Variants in EPRS1 observed in about 807,000 individuals in gnomAD.
EPRS1 encodes the protein bifunctional glutamate/proline--tRNA ligase.
A neutral mutation model predicts 188.3 loss-of-function variants in EPRS1; 107 were observed. The observed-to-expected ratio is 0.57, with a 90% CI of 0.49 to 0.67. EPRS1 has a LOEUF of 0.67. EPRS1 is among the 30% of genes least tolerant of loss of function. The pLI, the probability that EPRS1 is intolerant of heterozygous loss-of-function variation, is 0.00. For synonymous variants in EPRS1, 596 were observed against 593.1 expected, an observed-to-expected ratio of 1.00 and a Z score of -0.07; for missense variants, 1,577 against 1,802.2, an observed-to-expected ratio of 0.88 and a Z score of 2.26.
intron 10 of EPRS1, among the ~76,000 whole-genome samples, chr1:220,019,785 A>T (rs1002672338): frequency 6.6e-6 from 1 of 152,210 alleles, no homozygotes; most frequent in African/African-American, 2.4e-5. Flanking sequence ...CATGATCCCC[A>T]GTGGGCACTC....
rs779863965 is a variant in EPRS1, at chr1:220,019,053, C to A, written c.1376G>T (p.Arg459Leu). ...TGTCATCCCTCTTCTCAGTACACCA[C>A]GAACCGTAGGAAATCTTGGGTCATC... Reference protein sequence around the residue: ...GWDDPRFPTVRGVLRRGMTVE... With the variant: ...GWDDPRFPTVLGVLRRGMTVE... Residue 459 changes from arginine (R) to leucine (L), a missense_variant, in exon 11 of 32, where the codon CGT becomes CTT. Physicochemically the swap from Arg to Leu is moderately radical, Grantham distance 102. Around this residue, in one of 3 missense-constraint regions of EPRS1, gnomAD observed 1,278 missense variants for 1,457.4 expected, o/e 0.88. Transcript: ENST00000366923. 1 of 1,613,024 alleles carries A rather than the reference C, an allele frequency of 6.2e-7. No individual in the cohort carries two copies. Among genetic ancestry groups the A allele is most frequent in the Non-Finnish European group, 8.5e-7 (1 of 1,179,190 alleles).
Position 220,025,818 on chromosome 1 carries a change from G to A in EPRS1, c.624-560C>T, listed in dbSNP as rs112757922. On this transcript the variant is annotated intron_variant, in intron 6 of 31. Coordinates refer to ENST00000366923, the MANE Select transcript of EPRS1 (RefSeq NM_004446.3). ...AAGTTTTTTTTTTTTTTTTTGAGAC[G>A]GAATCTCGCTCTGTCGCCCAGGCTG... Among the ~76,000 whole-genome samples, 1,345 of 148,338 alleles carry A rather than the reference G, an allele frequency of 9.1e-3. 19 individuals are homozygous for A. The highest frequency in any genetic ancestry group is 0.032 in the African/African-American group (1,273 of 39,968).
chr1:219,980,645 A>G (rs1049932633), intron 25 of EPRS1, 111 bp downstream of exon 25: 8 of 647,228 alleles, frequency 1.2e-5, no homozygotes, highest in African/African-American at 3.7e-5. Context: ...GAACATTTGA[A>G]TTAATTTGAT....
chr1:219,980,306 C>A, intron 25 of EPRS1, 66 bp from the exon 26 acceptor site: 1 of 1,249,478 alleles, frequency 8.0e-7, no homozygotes. Flanking sequence ...ATCTATAAAA[C>A]TGCACTACTT....
Position 220,019,007 on chromosome 1 carries a change from A to C in EPRS1, c.1422T>G (p.Phe474Leu). 1 of 1,611,372 alleles carries C rather than the reference A, an allele frequency of 6.2e-7. No homozygotes were observed. Among genetic ancestry groups the C allele is most frequent in the Middle Eastern group, 1.7e-4 (1 of 6,052 alleles). ...AACTGTAACGCACCTGAGCAGCAAT[A>C]AACTGTTTCAGTCCTTCAACTGTCA... ...RGMTVEGLKQFIAAQGSSRSV... is the reference protein window; with the variant it reads ...RGMTVEGLKQLIAAQGSSRSV... Residue 474 changes from phenylalanine (F) to leucine (L), a missense_variant, in exon 11 of 32, where the codon TTT (phenylalanine) becomes TTG (leucine). Physicochemically the swap from Phe to Leu is conservative, Grantham distance 22. This residue lies in a region of EPRS1 where 1,278 missense variants were observed against 1,457.4 expected (regional missense o/e 0.88). Transcript: ENST00000366923.
chr1:219,973,180 G>T, intron 29 of EPRS1, 58 bp downstream of exon 29: 1 of 1,468,550 alleles, frequency 6.8e-7, no homozygotes, highest in South Asian at 1.3e-5. Flanking sequence ...CCTTGGTAAA[G>T]ATCTCAAAGG....
At chr1:219,984,123 T>C in intron 21 of EPRS1, 83 bp downstream of exon 21, 1 of 923,760 alleles carries the variant, frequency 1.1e-6, no homozygotes, top group South Asian at 1.3e-5. Context: ...ACTATTGCCT[T>C]TGTGCCCATA....
At chr1:220,034,533 C>G (rs537164985) in intron 3 of EPRS1, among the ~76,000 whole-genome samples, 4 of 152,048 alleles carry the variant, frequency 2.6e-5, no homozygotes, top group Non-Finnish European at 5.9e-5. Context: ...AAATGGGATC[C>G]AAACTATGCG....
chr1:220,019,626 TC>T (rs1661822709), intron 10 of EPRS1, among the ~76,000 whole-genome samples: 1 of 152,188 alleles, frequency 6.6e-6, no homozygotes, highest in African/African-American at 2.4e-5. Context: ...ATTTTAACCT[TC>T]TTGGGACCTA....
intron 18 of EPRS1, among the ~76,000 whole-genome samples, chr1:219,992,721 G>A (rs941307218): frequency 2.0e-5 from 3 of 152,236 alleles, no homozygotes; most frequent in African/African-American, 7.2e-5. Flanking sequence ...GAGGTCAGGA[G>A]TTCGAGACCA....
chr1:219,971,801 T>TATATATATATATATATATATATACACAC (rs1357628193), intron 30 of EPRS1, among the ~76,000 whole-genome samples: 3 of 144,074 alleles, frequency 2.1e-5, no homozygotes, highest in African/African-American at 7.6e-5. Context: ...TATATACATA[T>TATATATATATATATATATATATACACAC]ACACACACAC....
At chr1:219,973,198 A>C (rs1660702280) in intron 29 of EPRS1, 40 bp downstream of exon 29, 1 of 1,565,168 alleles carries the variant, frequency 6.4e-7, no homozygotes, top group Non-Finnish European at 8.7e-7. Flanking sequence ...AGGTGGTGGA[A>C]GATCTGGAGA....
At position 220,020,182 on chromosome 1, in the gene EPRS1, G is replaced by A. The variant is rs1268336685; in HGVS notation, c.1155C>T (p.Asp385=). ...PTYDFACPIV[D]SIEGVTHALR... Reference sequence around the variant, plus strand: ...GGGCATGTGTAACACCTTCGATGCTGTCAACTATGGGGCAGGCAAAATCAT... The same window carrying A: ...GGGCATGTGTAACACCTTCGATGCTATCAACTATGGGGCAGGCAAAATCAT... Residue 385 remains aspartate (D), a synonymous_variant, in exon 10 of 32, where the codon GAC becomes GAT. Transcript: ENST00000366923. 1 of 1,613,776 alleles carries A rather than the reference G, an allele frequency of 6.2e-7. No homozygotes were observed. The highest frequency in any genetic ancestry group is 1.3e-5 in the African/African-American group (1 of 74,996).
chr1:220,019,693 C>T (rs890561376), intron 10 of EPRS1, among the ~76,000 whole-genome samples: 1 of 152,108 alleles, frequency 6.6e-6, no homozygotes, highest in African/African-American at 2.4e-5. Context: ...ACCAAATATA[C>T]CAAGAACCAG....
intron 2 of EPRS1, among the ~76,000 whole-genome samples, chr1:220,037,032 GA>G (rs113145046): frequency 0.16 from 22,546 of 144,282 alleles, 2,842 homozygotes; most frequent in African/African-American, 0.33. Context: ...GAAAGTAAAG[GA>G]AAAAAAAAAA....
At chr1:220,041,351 A>C (rs1662290570) in intron 1 of EPRS1, among the ~76,000 whole-genome samples, 1 of 152,020 alleles carries the variant, frequency 6.6e-6, no homozygotes, top group Non-Finnish European at 1.5e-5. Context: ...AATGAGAGAT[A>C]CTTTCATCCC....
rs1157707347 is a variant in EPRS1 at position 220,040,205 on chromosome 1, C to A, written c.111G>T (p.Glu37Asp). Residue 37 changes from glutamate (E) to aspartate (D), a missense_variant, in exon 2 of 32, where the codon GAG becomes GAT. Coordinates refer to ENST00000366923, the MANE Select transcript of EPRS1 (RefSeq NM_004446.3). ...CTTACTCAGAAACATGAAGAATATT[C>A]TCTTTCCCTTCTTCAACGGAAATGC... ...DVSISVEEGK[E>D]NILHVSENVI... 1 of 1,603,234 alleles carries A rather than the reference C, an allele frequency of 6.2e-7. No homozygotes were observed. The highest frequency in any genetic ancestry group is 2.2e-5 in the East Asian group (1 of 44,830).
intron 17 of EPRS1, among the ~76,000 whole-genome samples, chr1:219,997,617 TAAAGAA>T (rs1661262754): frequency 6.6e-6 from 1 of 152,178 alleles, no homozygotes; most frequent in Non-Finnish European, 1.5e-5. Context: ...ATTAGGGGAC[TAAAGAA>T]ATTATAACAT....
intron 2 of EPRS1, among the ~76,000 whole-genome samples, chr1:220,036,282 C>CA (rs1198466238): frequency 6.6e-6 from 1 of 152,128 alleles, no homozygotes; most frequent in Non-Finnish European, 1.5e-5. Context: ...GGCATTTTCT[C>CA]AAAGAGCTAA....
Sources: gnomAD v4.1 joint callset for allele counts (sites outside exome capture counted in the v4.1 genomes callset) on GRCh38, gnomAD v4.1.1 for gene constraint, gnomAD v4.1.1 regional missense constraint, MANE v1.5 for transcripts, NCBI Gene and HGNC (gene_info 2026-07-23, HGNC 2026-07-21) for gene names.